Variants in ZHX2 observed in about 807,000 individuals in gnomAD.
The protein encoded by ZHX2 is zinc fingers and homeoboxes protein 2.
Under a neutral mutation model 21.9 loss-of-function variants are expected in ZHX2, and 6 were observed. The observed-to-expected ratio is 0.27, with a 90% CI of 0.15 to 0.54. The LOEUF (loss-of-function observed/expected upper bound fraction) is 0.54. Ranked by LOEUF, ZHX2 falls within the 20% of genes least tolerant of loss-of-function variation. ZHX2 has a pLI of 0.95. For synonymous variants in ZHX2, 434 were observed against 437.1 expected (o/e 0.99, Z 0.09); for missense variants, 908 against 1,090.7 (o/e 0.83, Z 2.36).
intron 1 of ZHX2, among the ~76,000 whole-genome samples, chr8:122,853,378 C>A (rs116599003): frequency 0.019 from 2,843 of 152,290 alleles, 108 homozygotes; most frequent in African/African-American, 0.064. Flanking sequence ...GCCACACAGC[C>A]CCAGCCAACA....
rs1813118530 is a variant in ZHX2 at position 122,951,759 on chromosome 8, C to G, written c.249C>G (p.Cys83Trp). ...AAGGTGGTTATGAGTGCAAATACTG[C>G]CCCTACTCCACGCAAAACCTGAACG... ...KLQGGYECKYCPYSTQNLNEF... is the reference protein window; with the variant it reads ...KLQGGYECKYWPYSTQNLNEF... The change falls in exon 3 of 4, where the codon TGC (cysteine) becomes TGG (tryptophan). Residue 83 changes from cysteine (C) to tryptophan (W), a missense_variant. Around this residue, in one of 4 missense-constraint regions of ZHX2, gnomAD observed 220 missense variants for 251.4 expected, o/e 0.88. Transcript: ENST00000314393. 1 of 1,613,954 alleles carries G rather than the reference C, an allele frequency of 6.2e-7. No individual in the cohort carries two copies.
intron 2 of ZHX2, among the ~76,000 whole-genome samples, chr8:122,948,454 C>A (rs562791626): frequency 1.3e-5 from 2 of 152,214 alleles, no homozygotes; most frequent in Admixed American, 1.3e-4. Context: ...CAGTTCCAAT[C>A]AAAATTCTAA....
intron 2 of ZHX2, among the ~76,000 whole-genome samples, chr8:122,886,958 C>T (rs1031551236): frequency 6.6e-6 from 1 of 151,926 alleles, no homozygotes; most frequent in Non-Finnish European, 1.5e-5. Context: ...TAGGTTAAGG[C>T]ATGTGCCCAG....
chr8:122,891,335 T>G (rs1749377447), intron 2 of ZHX2, among the ~76,000 whole-genome samples: 1 of 149,042 alleles, frequency 6.7e-6, no homozygotes, highest in African/African-American at 2.5e-5. Context: ...TAGTGTCTTT[T>G]AGTCTAGCTA....
At chr8:122,965,028 CTT>C (rs1381665213) in intron 3 of ZHX2, among the ~76,000 whole-genome samples, 1 of 121,818 alleles carries the variant, frequency 8.2e-6, no homozygotes, top group African/African-American at 3.5e-5. Context: ...GATCTTCTCT[CTT>C]CTGTTTTTTT....
At chr8:122,793,473 A>C (rs538882806) in intron 1 of ZHX2, among the ~76,000 whole-genome samples, 2 of 152,284 alleles carry the variant, frequency 1.3e-5, no homozygotes, top group African/African-American at 4.8e-5. Flanking sequence ...GCCAGAGTGC[A>C]TTGCCGTGCT....
intron 2 of ZHX2, among the ~76,000 whole-genome samples, chr8:122,888,717 A>C (rs1819905943): frequency 6.6e-6 from 1 of 152,190 alleles, no homozygotes; most frequent in Non-Finnish European, 1.5e-5. Context: ...TCCTGACCTC[A>C]GGTAATCTGC....
chr8:122,848,498 C>G (rs763782968), intron 1 of ZHX2, among the ~76,000 whole-genome samples: 1 of 152,110 alleles, frequency 6.6e-6, no homozygotes, highest in Non-Finnish European at 1.5e-5. Flanking sequence ...CCCACCACTC[C>G]CCAGATTAAC....
At chr8:122,895,155 C>A (rs1360837740) in intron 2 of ZHX2, among the ~76,000 whole-genome samples, 21 of 152,188 alleles carry the variant, frequency 1.4e-4, no homozygotes. Flanking sequence ...TTAATGTTGA[C>A]ATTTGTTTTC....
intron 3 of ZHX2, among the ~76,000 whole-genome samples, chr8:122,956,316 A>T (rs1563606243): frequency 6.6e-6 from 1 of 152,218 alleles, no homozygotes; most frequent in Non-Finnish European, 1.5e-5. Flanking sequence ...CATGAGAGAG[A>T]CAGACAACAC....
intron 1 of ZHX2, among the ~76,000 whole-genome samples, chr8:122,792,763 C>A (rs1817541490): frequency 6.6e-6 from 1 of 152,106 alleles, no homozygotes; most frequent in South Asian, 2.1e-4. Context: ...AGGGCCAGGA[C>A]TAGAGGAAAG....
At chr8:122,925,007 T>C (rs940031366) in intron 2 of ZHX2, among the ~76,000 whole-genome samples, 4 of 152,190 alleles carry the variant, frequency 2.6e-5, no homozygotes, top group Admixed American at 6.5e-5. Flanking sequence ...ACTACATACC[T>C]TACTCTGCTG....
At chr8:122,808,326 G>T (rs1817861743) in intron 1 of ZHX2, among the ~76,000 whole-genome samples, 1 of 152,178 alleles carries the variant, frequency 6.6e-6, no homozygotes, top group Non-Finnish European at 1.5e-5. Context: ...AGGTTTAATT[G>T]ACTCACAGTT....
chr8:122,795,675 T>C (rs1817601060), intron 1 of ZHX2, among the ~76,000 whole-genome samples: 3 of 152,262 alleles, frequency 2.0e-5, no homozygotes, highest in Admixed American at 1.3e-4. Flanking sequence ...CCTTGTTTTA[T>C]ATTATTTAAT....
chr8:122,946,112 T>G (rs1812969809), intron 2 of ZHX2, among the ~76,000 whole-genome samples: 2 of 152,232 alleles, frequency 1.3e-5, no homozygotes, highest in Admixed American at 1.3e-4. Flanking sequence ...ATTCTTAACA[T>G]GTATTTTGTG....
intron 1 of ZHX2, among the ~76,000 whole-genome samples, chr8:122,810,278 G>C (rs1331845953): frequency 6.6e-6 from 1 of 152,162 alleles, no homozygotes; most frequent in African/African-American, 2.4e-5. Context: ...TGTAAAATGG[G>C]GGGTAGTAAC....
At position 122,973,631 on chromosome 8, in the gene ZHX2, C is replaced by T. The variant is rs185732373; in HGVS notation, c.*394C>T. On this transcript the variant is annotated 3_prime_UTR_variant, in exon 4 of 4. Coordinates refer to ENST00000314393, the MANE Select transcript of ZHX2 (RefSeq NM_014943.5). The stretch of plus-strand genomic sequence containing the variant: ...TTTTTTCAGGAGGGAGGGCTAACCA[C>T]CTTGCTTTTCTCTTTTCTCTTTTTC... 6.6e-6 allele frequency: 1 copy of T among 152,586 alleles called. No individual in the cohort carries two copies. The highest frequency in any genetic ancestry group is 2.4e-5 in the African/African-American group (1 of 41,426). 9.5% of individuals were successfully genotyped at this position (152,586 alleles called of 1,614,324 possible). A position where few individuals can be genotyped will look rare whatever the true frequency, so the allele number is the denominator to read the frequency against.
intron 1 of ZHX2, among the ~76,000 whole-genome samples, chr8:122,794,850 A>C (rs542057344): frequency 6.6e-6 from 1 of 152,298 alleles, no homozygotes; most frequent in African/African-American, 2.4e-5. Flanking sequence ...TCCCAGAAAG[A>C]CTATCCCCAA....
At chr8:122,916,121 G>A (rs945278236) in intron 2 of ZHX2, among the ~76,000 whole-genome samples, 15 of 152,316 alleles carry the variant, frequency 9.8e-5, no homozygotes, top group East Asian at 9.6e-4. Flanking sequence ...TGGCTCCTCC[G>A]TGCCTTTCAG....
Sources: gnomAD v4.1 joint callset for allele counts (sites outside exome capture counted in the v4.1 genomes callset) on GRCh38, gnomAD v4.1.1 for gene constraint, gnomAD v4.1.1 regional missense constraint, MANE v1.5 for transcripts, NCBI Gene and HGNC (gene_info 2026-07-23, HGNC 2026-07-21) for gene names.